Variants in WWOX observed in about 807,000 individuals in gnomAD.
WWOX encodes the protein WW domain-containing oxidoreductase.
Under a neutral mutation model 46.2 loss-of-function variants are expected in WWOX, and 69 were observed. That is an observed-to-expected ratio of 1.49 (90% CI 1.23 to 1.82). The LOEUF (loss-of-function observed/expected upper bound fraction) is 1.82, where lower values mean the gene tolerates loss of function less well. WWOX is among the 40% of genes most tolerant of loss of function. The pLI is 0.00. For synonymous variants in WWOX, 359 were observed against 202.6 expected, an observed-to-expected ratio of 1.77 and a Z score of -6.56; for missense variants, 919 against 542.6, an observed-to-expected ratio of 1.69 and a Z score of -6.89.
intron 8 of WWOX, among the ~76,000 whole-genome samples, chr16:78,914,911 G>T (rs980185293): frequency 1.4e-5 from 2 of 145,742 alleles, no homozygotes; most frequent in Non-Finnish European, 1.5e-5. Context: ...AAAGGAACCA[G>T]ATGGCCCTGC....
chr16:78,144,498 CACATAT>C (rs1265194153), intron 4 of WWOX, among the ~76,000 whole-genome samples: 3 of 15,318 alleles, frequency 2.0e-4, no homozygotes, highest in African/African-American at 1.2e-3. Flanking sequence ...CACACACACA[CACATAT>C]ATATATATAT....
chr16:78,101,346 C>CTTTTTGTTTTTTTTT (rs2031769430), intron 1 of WWOX, among the ~76,000 whole-genome samples: 1 of 66,822 alleles, frequency 1.5e-5, no homozygotes, highest in Non-Finnish European at 3.0e-5. Context: ...CGCTCCCGGC[C>CTTTTTGTTTTTTTTT]TTTTTTTTTT....
At chr16:78,366,236 G>A (rs1337028381) in intron 5 of WWOX, among the ~76,000 whole-genome samples, 6 of 152,136 alleles carry the variant, frequency 3.9e-5, no homozygotes, top group Admixed American at 2.0e-4. Flanking sequence ...AACATTTAAC[G>A]CTGTTATGTA....
intron 8 of WWOX, chr16:79,017,456 A>AAAAAAAAAAAAAAAAAAT (rs2047439956): frequency 6.7e-6 from 1 of 149,056 alleles, no homozygotes; most frequent in Non-Finnish European, 1.5e-5. Flanking sequence ...AAAAAAAAAA[A>AAAAAAAAAAAAAAAAAAT]AAAAAAGAAA....
chr16:79,034,991 C>T (rs1189877174), intron 8 of WWOX, among the ~76,000 whole-genome samples: 1 of 152,172 alleles, frequency 6.6e-6, no homozygotes, highest in East Asian at 1.9e-4. Context: ...TCATTGTCCT[C>T]TAATTCATTA....
intron 8 of WWOX, among the ~76,000 whole-genome samples, chr16:79,072,972 C>G (rs950821464): frequency 3.9e-5 from 6 of 152,150 alleles, no homozygotes; most frequent in South Asian, 4.2e-4. Context: ...CAAACGTCAT[C>G]ACTGTTTTTA....
At chr16:78,492,108 G>A (rs1472193463) in intron 8 of WWOX, among the ~76,000 whole-genome samples, 1 of 152,132 alleles carries the variant, frequency 6.6e-6, no homozygotes, top group Non-Finnish European at 1.5e-5. Context: ...CCAGCCAACT[G>A]GTTTCACATG....
intron 8 of WWOX, among the ~76,000 whole-genome samples, chr16:78,546,113 G>A (rs2044025278): frequency 6.6e-6 from 1 of 152,136 alleles, no homozygotes; most frequent in Non-Finnish European, 1.5e-5. Context: ...TTTTATGGAA[G>A]AAGAAAGACG....
chr16:79,091,312 A>G (rs2048955507), intron 8 of WWOX, among the ~76,000 whole-genome samples: 1 of 151,884 alleles, frequency 6.6e-6, no homozygotes, highest in Non-Finnish European at 1.5e-5. Context: ...CTTTTGCTAT[A>G]TGCTGATCCC....
At chr16:78,205,829 C>T (rs1447790828) in intron 5 of WWOX, among the ~76,000 whole-genome samples, 1 of 151,314 alleles carries the variant, frequency 6.6e-6, no homozygotes, top group African/African-American at 2.4e-5. Flanking sequence ...TCCTTCCTAC[C>T]TTCCTTCCTT....
chr16:78,745,547 C>CTT (rs1341801581), intron 8 of WWOX, among the ~76,000 whole-genome samples: 1 of 55,460 alleles, frequency 1.8e-5, no homozygotes. Flanking sequence ...TTTTTTTTTG[C>CTT]TTCTTTCTGT....
At chr16:78,684,476 C>T (rs982610597) in intron 8 of WWOX, among the ~76,000 whole-genome samples, 1 of 152,154 alleles carries the variant, frequency 6.6e-6, no homozygotes, top group African/African-American at 2.4e-5. Context: ...GTCCAGAATT[C>T]CTCTCCACCC....
intron 8 of WWOX, among the ~76,000 whole-genome samples, chr16:78,965,682 G>T (rs933057596): frequency 1.3e-5 from 2 of 152,062 alleles, no homozygotes; most frequent in African/African-American, 4.8e-5. Flanking sequence ...ACCCAGTTCT[G>T]TCGTCGTCAT....
chr16:79,101,445 A>G (rs930732154), intron 8 of WWOX: 18 of 152,332 alleles, frequency 1.2e-4, no homozygotes, highest in African/African-American at 3.6e-4. Flanking sequence ...CCCCAAAATT[A>G]CTTGATGACA....
chr16:78,313,993 C>G (rs777095218), intron 5 of WWOX, among the ~76,000 whole-genome samples: 1 of 152,160 alleles, frequency 6.6e-6, no homozygotes, highest in African/African-American at 2.4e-5. Flanking sequence ...CCTGGCTGTT[C>G]CGCTTTCTAA....
intron 8 of WWOX, among the ~76,000 whole-genome samples, chr16:78,879,675 C>T (rs1434995918): frequency 6.6e-6 from 1 of 151,894 alleles, no homozygotes; most frequent in African/African-American, 2.4e-5. Flanking sequence ...GTCGGGAGTT[C>T]GAGACCAGTC....
At chr16:78,231,894 C>A (rs949723906) in intron 5 of WWOX, among the ~76,000 whole-genome samples, 1 of 44,552 alleles carries the variant, frequency 2.2e-5, no homozygotes, top group African/African-American at 2.7e-4. Flanking sequence ...GAGGTCTAAT[C>A]TTGATTTTTT....
Position 79,212,112 on chromosome 16 carries a change from TTTACTG to T in WWOX, c.*320_*325del, listed in dbSNP as rs1212248581. On this transcript the variant is annotated 3_prime_UTR_variant, in exon 9 of 9. Transcript: ENST00000566780. ...GAGAAGCACCAGCAATTCTCTTTCTTTTACTGTTATAGAATAGCCTGAGGTCCCCTC... is the reference window on the plus strand; with the variant it reads ...GAGAAGCACCAGCAATTCTCTTTCTTTTATAGAATAGCCTGAGGTCCCCTC... The T allele has an allele frequency of 3.3e-6, 5 of 1,535,674 alleles. No individual in the cohort carries two copies. In the Admixed American group the frequency reaches 7.9e-5, roughly 24 times the overall value.
intron 8 of WWOX, among the ~76,000 whole-genome samples, chr16:78,681,904 C>T (rs988590007): frequency 6.6e-6 from 1 of 152,194 alleles, no homozygotes; most frequent in Non-Finnish European, 1.5e-5. Context: ...CGCAGAGCCC[C>T]TCATTCTCTA....
Sources: gnomAD v4.1 joint callset for allele counts (sites outside exome capture counted in the v4.1 genomes callset) on GRCh38, gnomAD v4.1.1 for gene constraint, MANE v1.5 for transcripts, NCBI Gene and HGNC (gene_info 2026-07-23, HGNC 2026-07-21) for gene names.